Variants in BLOC1S5 observed in about 807,000 individuals in gnomAD.
BLOC1S5 encodes biogenesis of lysosome-related organelles complex 1 subunit 5.
Under a neutral mutation model 24.3 loss-of-function variants are expected in BLOC1S5, and 27 were observed. That is an observed-to-expected ratio of 1.11 (90% CI 0.82 to 1.53). The LOEUF is 1.53. Ranked by LOEUF, BLOC1S5 falls within the 40% of genes most tolerant of loss-of-function variation. The pLI is 0.00. For missense variants in BLOC1S5, 239 were observed against 229.4 expected (o/e 1.04, Z -0.27); for synonymous variants, 84 against 74.5 (o/e 1.13, Z -0.66).
intron 3 of BLOC1S5, among the ~76,000 whole-genome samples, chr6:8,031,167 T>C (rs1239720445): frequency 1.3e-5 from 2 of 152,268 alleles, no homozygotes; most frequent in Admixed American, 1.3e-4. Context: ...GGCATCCAAA[T>C]CGGTAAAGAG....
chr6:8,037,056 T>C (rs1763513912), intron 3 of BLOC1S5, among the ~76,000 whole-genome samples: 1 of 152,204 alleles, frequency 6.6e-6, no homozygotes, highest in South Asian at 2.1e-4. Flanking sequence ...TGAGAGCCTT[T>C]CCTATAAGAT....
At chr6:8,047,220 T>C (rs1399444213) in intron 2 of BLOC1S5, among the ~76,000 whole-genome samples, 2 of 150,184 alleles carry the variant, frequency 1.3e-5, no homozygotes, top group Admixed American at 1.3e-4. Context: ...AATTTTTTTT[T>C]TTTTTGAGAC....
At chr6:8,053,855 C>T (rs931885194) in intron 2 of BLOC1S5, among the ~76,000 whole-genome samples, 4 of 152,100 alleles carry the variant, frequency 2.6e-5, no homozygotes, top group Admixed American at 2.6e-4. Flanking sequence ...GGTGTATCTT[C>T]CAGTTATTTA....
intron 4 of BLOC1S5, among the ~76,000 whole-genome samples, chr6:8,025,712 C>T (rs1321183406): frequency 6.6e-6 from 1 of 152,078 alleles, no homozygotes; most frequent in Non-Finnish European, 1.5e-5. Flanking sequence ...GATACACACA[C>T]ATACAAGCAA....
At chr6:8,028,950 G>C (rs1763196895) in intron 3 of BLOC1S5, among the ~76,000 whole-genome samples, 2 of 151,852 alleles carry the variant, frequency 1.3e-5, no homozygotes, top group East Asian at 3.9e-4. Context: ...CAGTGTTTTA[G>C]GAGACTATAT....
chr6:8,031,708 A>G (rs1763304898), intron 3 of BLOC1S5, among the ~76,000 whole-genome samples: 1 of 152,218 alleles, frequency 6.6e-6, no homozygotes, highest in South Asian at 2.1e-4. Context: ...ACACTACCTG[A>G]CTTCAAACTA....
intron 3 of BLOC1S5, among the ~76,000 whole-genome samples, chr6:8,031,927 T>C (rs1158806058): frequency 2.6e-5 from 4 of 152,172 alleles, no homozygotes; most frequent in Non-Finnish European, 5.9e-5. Context: ...TGTAGAAGAA[T>C]GAAACTGGAT....
chr6:8,044,263 G>C (rs574720557), intron 2 of BLOC1S5, among the ~76,000 whole-genome samples: 18 of 118,066 alleles, frequency 1.5e-4, no homozygotes, highest in Admixed American at 1.3e-3. Context: ...CAGCCTGGGC[G>C]ACAGAGCAAG....
intron 3 of BLOC1S5, among the ~76,000 whole-genome samples, chr6:8,030,899 C>T (rs1763274965): frequency 6.7e-6 from 1 of 148,296 alleles, no homozygotes; most frequent in Non-Finnish European, 1.5e-5. Context: ...TCTCAATACA[C>T]TCAGAAAAGG....
chr6:8,063,727 A>C (rs1415238277), intron 1 of BLOC1S5, among the ~76,000 whole-genome samples: 1 of 152,208 alleles, frequency 6.6e-6, no homozygotes, highest in Non-Finnish European at 1.5e-5. Flanking sequence ...TTCTGTGAGA[A>C]TCTAGGTTGT....
intron 2 of BLOC1S5, among the ~76,000 whole-genome samples, chr6:8,058,357 GAAAAAAAAA>G (rs60827828): frequency 8.3e-5 from 7 of 84,592 alleles, no homozygotes; most frequent in South Asian, 6.2e-4. Context: ...CTGTCTCTAT[GAAAAAAAAA>G]AAAAAAAAAA....
chr6:8,050,251 T>C (rs1245438372), intron 2 of BLOC1S5, among the ~76,000 whole-genome samples: 1 of 152,178 alleles, frequency 6.6e-6, no homozygotes, highest in Non-Finnish European at 1.5e-5. Context: ...CAGTGATCTT[T>C]GATGTTACTG....
At position 8,014,429 on chromosome 6, in the gene BLOC1S5, A is replaced by G. The variant is rs1240015953; in HGVS notation, c.*1220T>C. On this transcript the variant is annotated 3_prime_UTR_variant, in exon 5 of 5. Coordinates refer to ENST00000397457, the MANE Select transcript of BLOC1S5 (RefSeq NM_201280.3). ...GCTGGGATTACAAGCGTGCACCAAC[A>G]TGCCGGGCTAATTTTTGTATTTTTA... 1 of 152,102 alleles carries G rather than the reference A, an allele frequency of 6.6e-6. No homozygotes were observed. The highest frequency in any genetic ancestry group is 1.5e-5 in the Non-Finnish European group (1 of 68,054). 9.4% of individuals were successfully genotyped at this position (152,102 alleles called of 1,614,324 possible).
intron 4 of BLOC1S5, among the ~76,000 whole-genome samples, chr6:8,020,432 T>G (rs1762879611): frequency 6.6e-6 from 1 of 152,266 alleles, no homozygotes; most frequent in Non-Finnish European, 1.5e-5. Context: ...CACCCTTTTC[T>G]TTGGGGTAGG....
intron 1 of BLOC1S5, 43 bp from the exon 2 acceptor site, chr6:8,062,659 G>T: frequency 7.5e-7 from 1 of 1,325,944 alleles, no homozygotes; most frequent in Non-Finnish European, 1.1e-6. Flanking sequence ...CATGCTAAAT[G>T]GCATAATCTC....
In BLOC1S5 at chr6:8,038,572, T is replaced by C. The variant is rs563870366; in HGVS notation, c.325+2567A>G. Reference sequence around the variant, plus strand: ...CTATCTTGGCTCACTGCAAGCTCTGTCTCCCGGGTTCACGCCATTCTCCTG... The same window carrying C: ...CTATCTTGGCTCACTGCAAGCTCTGCCTCCCGGGTTCACGCCATTCTCCTG... On this transcript the variant is annotated intron_variant, in intron 3 of 4. Coordinates refer to ENST00000397457, the MANE Select transcript of BLOC1S5 (RefSeq NM_201280.3). Among the ~76,000 whole-genome samples the C allele has an allele frequency of 5.3e-5, 8 of 152,212 alleles. No homozygotes were observed. In the South Asian group the frequency reaches 1.4e-3, roughly 28 times the overall value.
At chr6:8,038,970 T>C (rs1195526758) in intron 3 of BLOC1S5, among the ~76,000 whole-genome samples, 31 of 152,204 alleles carry the variant, frequency 2.0e-4, no homozygotes, top group Admixed American at 2.0e-3. Context: ...ATACTGGGTA[T>C]ATATCTAAAA....
chr6:8,056,870 GT>G (rs1764328214), intron 2 of BLOC1S5, among the ~76,000 whole-genome samples: 1 of 152,190 alleles, frequency 6.6e-6, no homozygotes, highest in Admixed American at 6.5e-5. Flanking sequence ...GTTACACACA[GT>G]AAGTGAATTA....
intron 2 of BLOC1S5, among the ~76,000 whole-genome samples, chr6:8,045,929 A>T (rs1000123610): frequency 6.6e-6 from 1 of 152,196 alleles, no homozygotes; most frequent in Admixed American, 6.5e-5. Context: ...ATTAATGCTG[A>T]AATGAGTTAA....
Sources: allele counts gnomAD v4.1 joint callset (sites outside exome capture counted in the v4.1 genomes callset), GRCh38; gene constraint gnomAD v4.1.1; transcripts MANE v1.5; gene names NCBI Gene and HGNC (gene_info 2026-07-23, HGNC 2026-07-21).